The following LMNB2 variants were observed in gnomAD, a reference collection of about 807,000 sequenced individuals.
The protein encoded by LMNB2 is lamin B2, also known as lamin-B2.
In LMNB2, 17 loss-of-function variants were observed where a neutral mutation model predicts 69.3. The observed-to-expected ratio is 0.25, with a 90% confidence interval of 0.17 to 0.37. The LOEUF (loss-of-function observed/expected upper bound fraction) is 0.37. Among genes scored for constraint, LMNB2 ranks in the 10% least tolerant of loss-of-function variants. The probability of loss-of-function intolerance (pLI) is 1.00; values close to 1 mark genes in which losing one functional copy is unlikely to be tolerated. For missense variants in LMNB2, 789 were observed against 883.6 expected (o/e 0.89, Z 1.36); for synonymous variants, 397 against 389.3 (o/e 1.02, Z -0.23).
intron 6 of LMNB2, 42 bp downstream of exon 6, chr19:2,434,746 T>G (rs763687261): frequency 1.3e-6 from 2 of 1,577,694 alleles, no homozygotes; most frequent in East Asian, 4.6e-5. Context: ...GGCCCAGAAG[T>G]TGGGCCAGGG....
chr19:2,450,406 T>C (rs1462725409), intron 1 of LMNB2, among the ~76,000 whole-genome samples: 1 of 151,622 alleles, frequency 6.6e-6, no homozygotes, highest in Admixed American at 6.6e-5. Context: ...ATGATGGATG[T>C]TGCTGGGAGC....
chr19:2,442,661 C>A (rs1002559243), intron 2 of LMNB2, among the ~76,000 whole-genome samples: 1 of 152,090 alleles, frequency 6.6e-6, no homozygotes, highest in South Asian at 2.1e-4. Context: ...GAGGCAGGAT[C>A]ACCTGAGCCT....
chr19:2,441,399 CCT>C (rs1193633471), intron 2 of LMNB2, among the ~76,000 whole-genome samples: 1 of 152,260 alleles, frequency 6.6e-6, no homozygotes, highest in Non-Finnish European at 1.5e-5. Context: ...CTGATGCACC[CCT>C]GTCCGCAGCC....
At position 2,447,391 on chromosome 19, in the gene LMNB2, C is replaced by T. The variant is rs1407150860; in HGVS notation, c.265-2851G>A. Among the ~76,000 whole-genome samples the T allele has an allele frequency of 6.6e-6, 1 of 151,926 alleles. No homozygotes were observed. Among genetic ancestry groups the T allele is most frequent in the Admixed American group, 6.6e-5 (1 of 15,240 alleles). On this transcript the variant is annotated intron_variant, in intron 1 of 11. Transcript: ENST00000325327. This position sits in a 1 kb window ranked among gnomAD's most constrained non-coding sequence, Gnocchi z 4.4. ...CAGGCCAGTGCACAGACACAGGCAGCGGGTGTGTGGGCAGCGGGGCTGGAG... is the reference window on the plus strand; with the variant it reads ...CAGGCCAGTGCACAGACACAGGCAGTGGGTGTGTGGGCAGCGGGGCTGGAG...
rs1978725 is a variant in LMNB2, at chr19:2,431,868, G to A, written c.1625C>T (p.Pro542Leu). The A allele has an allele frequency of 1.2e-6, 2 of 1,613,002 alleles. No individual in the cohort carries two copies. Among genetic ancestry groups the A allele is most frequent in the Non-Finnish European group, 1.7e-6 (2 of 1,179,896 alleles). ...WAAGAGVAHS[P>L]PSTLVWKGQS... is the part of the protein sequence containing the mutation. ...GCCCTTCCACACCAGCGTCGAGGGG[G>A]GGCTGTGGGCCACCCCCGCACCAGC... The change falls in exon 10 of 12, where the codon CCC becomes CTC. Residue 542 changes from proline (P) to leucine (L), a missense_variant. Pro to Leu is a moderately conservative substitution (Grantham distance 98). Coordinates refer to ENST00000325327, the MANE Select transcript of LMNB2 (RefSeq NM_032737.4).
At chr19:2,444,327 G>C in intron 2 of LMNB2, 77 bp downstream of exon 2, 1 of 1,563,634 alleles carries the variant, frequency 6.4e-7, no homozygotes, top group Non-Finnish European at 8.8e-7. Flanking sequence ...CCCCGCACGA[G>C]CCCAGCGCCC....
At chr19:2,440,879 C>T (rs1165711348) in intron 2 of LMNB2, among the ~76,000 whole-genome samples, 1 of 152,256 alleles carries the variant, frequency 6.6e-6, no homozygotes, top group African/African-American at 2.4e-5. Context: ...CACTAGCTGC[C>T]AAGCTCTCAC....
At position 2,456,875 on chromosome 19, in the gene LMNB2, G is replaced by C; in HGVS notation, c.59C>G (p.Thr20Ser). 8.9e-7 allele frequency: 1 copy of C among 1,127,354 alleles called. No homozygotes were observed. Among genetic ancestry groups the C allele is most frequent in the Non-Finnish European group, 1.1e-6 (1 of 922,744 alleles). 69.8% of individuals were successfully genotyped at this position (1,127,354 alleles called of 1,614,324 possible). Residue 20 changes from threonine (T) to serine (S), a missense_variant, in exon 1 of 12, where the codon ACC (threonine) becomes AGC (serine). Thr to Ser is a moderately conservative substitution (Grantham distance 58, BLOSUM62 1). Transcript: ENST00000325327. ...REQRRPRAAATMATPLPGRAG... is the reference protein window; with the variant it reads ...REQRRPRAAASMATPLPGRAG... Reference sequence around the variant, plus strand: ...GCGGCCGGGCAGCGGCGTGGCCATGGTGGCGGCGGCTCGCGGCCTGCGCTG... The same window carrying C: ...GCGGCCGGGCAGCGGCGTGGCCATGCTGGCGGCGGCTCGCGGCCTGCGCTG...
In LMNB2 at chr19:2,444,813, C is replaced by G. The variant is rs535921797; in HGVS notation, c.265-273G>C. Among the ~76,000 whole-genome samples, 13 of 152,366 alleles carry G rather than the reference C, an allele frequency of 8.5e-5. No individual in the cohort carries two copies. In the East Asian group the frequency reaches 2.5e-3, roughly 29 times the overall value. The stretch of plus-strand genomic sequence containing the variant: ...GAGCCTCCTCCTCTGCTGCGGCCCC[C>G]TCTGGAATGATCGTCTCTCCACGAG... On this transcript the variant is annotated intron_variant, in intron 1 of 11. Transcript: ENST00000325327.
At chr19:2,438,044 C>T (rs1052730884) in intron 4 of LMNB2, 119 bp downstream of exon 4, 1 of 1,487,372 alleles carries the variant, frequency 6.7e-7, no homozygotes, top group South Asian at 1.1e-5. Context: ...AAGGAGCCTC[C>T]CTAGAGCCGT....
At chr19:2,449,932 G>T (rs1972000920) in intron 1 of LMNB2, among the ~76,000 whole-genome samples, 1 of 151,732 alleles carries the variant, frequency 6.6e-6, no homozygotes, top group East Asian at 1.9e-4. Context: ...AGAATTAGCC[G>T]GGCATGGTGG....
rs375872872 is a variant in LMNB2 at position 2,435,141 on chromosome 19, G to A, written c.715C>T (p.Arg239Trp). ...EVRETRRRHE[R>W]RLVEVDSSRQ... is the part of the protein sequence containing the mutation. ...CTGCTGTCCACCTCCACCAGGCGCC[G>A]CTCGTGCCGCCGCCGCGTCTCCCGC... Residue 239 changes from arginine (R) to tryptophan (W), a missense_variant, in exon 5 of 12, where the codon CGG becomes TGG. Transcript: ENST00000325327. 71 of 1,604,850 alleles carry A rather than the reference G, an allele frequency of 4.4e-5. No homozygotes were observed. Among genetic ancestry groups the A allele is most frequent in the Admixed American group, 3.5e-4 (21 of 59,956 alleles).
At chr19:2,435,932 C>T (rs768964054) in intron 4 of LMNB2, among the ~76,000 whole-genome samples, 5 of 151,830 alleles carry the variant, frequency 3.3e-5, no homozygotes, top group South Asian at 2.1e-4. Context: ...AGGCAGATCA[C>T]GAGGTCAGGA....
rs1972093217 is a variant in LMNB2, at chr19:2,456,588, A to T, written c.264+82T>A. The T allele has an allele frequency of 3.9e-6, 5 of 1,267,704 alleles. No homozygotes were observed. The South Asian group carries it at 8.8e-5, about 22-fold the overall frequency. The allele number at this position is 1,267,704 out of a possible 1,614,324, so 78.5% of individuals were successfully genotyped here. ...CCCGTCCCCGTCTGCACCCCCGCCC[A>T]GGGTCCCCGCGATCGCGCGCCCCGC... On this transcript the variant is annotated intron_variant, in intron 1 of 11. Transcript: ENST00000325327.
Position 2,444,685 on chromosome 19 carries a change from C to A in LMNB2, c.265-145G>T, listed in dbSNP as rs542807817. 7.5e-5 allele frequency: 79 copies of A among 1,048,454 alleles called. No individual in the cohort carries two copies. In the African/African-American group the frequency reaches 1.1e-3, roughly 15 times the overall value. 64.9% of individuals were successfully genotyped at this position (1,048,454 alleles called of 1,614,324 possible). ...ATGGCAGCCTGGGGACACTGGGACA[C>A]CCTGTGTTGCCCATCTCACAGACAC... On this transcript the variant is annotated intron_variant, in intron 1 of 11. Coordinates refer to ENST00000325327, the MANE Select transcript of LMNB2 (RefSeq NM_032737.4).
chr19:2,452,585 G>T (rs1375004778), intron 1 of LMNB2, among the ~76,000 whole-genome samples: 1 of 151,994 alleles, frequency 6.6e-6, no homozygotes, highest in East Asian at 1.9e-4. Flanking sequence ...AATTAGCCGG[G>T]TGTGGTGGTA....
chr19:2,434,247 T>A (rs12462450), intron 7 of LMNB2, 48 bp downstream of exon 7: 1 of 1,591,752 alleles, frequency 6.3e-7, no homozygotes, highest in East Asian at 2.3e-5. Context: ...CCTCCTGCCC[T>A]GCCCCTCCTC....
rs1971736550 is a variant in LMNB2 at position 2,431,359 on chromosome 19, G to C, written c.1821+189C>G. Reference sequence around the variant, plus strand: ...GTGATGTCGCAAATTCACACGATGGGCACGACCCAGGAGGCAAGAACAGGT... The same window carrying C: ...GTGATGTCGCAAATTCACACGATGGCCACGACCCAGGAGGCAAGAACAGGT... On this transcript the variant is annotated intron_variant, in intron 11 of 11. Coordinates refer to ENST00000325327, the MANE Select transcript of LMNB2 (RefSeq NM_032737.4). Among the ~76,000 whole-genome samples the C allele has an allele frequency of 1.3e-5, 2 of 152,150 alleles. 1 individual carries two copies. Among genetic ancestry groups the C allele is most frequent in the Admixed American group, 1.3e-4 (2 of 15,284 alleles).
At position 2,453,107 on chromosome 19, in the gene LMNB2, G is replaced by A. The variant is rs2145474819; in HGVS notation, c.264+3563C>T. Among the ~76,000 whole-genome samples, 1 of 151,994 alleles carries A rather than the reference G, an allele frequency of 6.6e-6. No homozygotes were observed. The highest frequency in any genetic ancestry group is 6.5e-5 in the Admixed American group (1 of 15,270). On this transcript the variant is annotated intron_variant, in intron 1 of 11. Coordinates refer to ENST00000325327, the MANE Select transcript of LMNB2 (RefSeq NM_032737.4). The surrounding 1 kb of genome is among the most constrained non-coding windows in gnomAD (Gnocchi z 4.4). ...CTCGTGAGGGCTGCGTCATCCTCGT[G>A]GGGGCCAGGTGATTCTCTTCTCGGG...
Sources: gnomAD v4.1 joint callset for allele counts (sites outside exome capture counted in the v4.1 genomes callset) on GRCh38, gnomAD v4.1.1 for gene constraint, Gnocchi (gnomAD v3.1) non-coding constraint, MANE v1.5 for transcripts, NCBI Gene and HGNC (gene_info 2026-07-23, HGNC 2026-07-21) for gene names.